ABHD11: variants seen among roughly 807,000 people sequenced by gnomAD.
ABHD11 encodes sn-1-specific diacylglycerol lipase ABHD11.
Under a neutral mutation model 29.0 loss-of-function variants are expected in ABHD11, and 26 were observed. That is an observed-to-expected ratio of 0.90 (90% CI 0.66 to 1.24). The LOEUF is 1.24. Ranked by LOEUF, ABHD11 falls within the 50% of genes most tolerant of loss-of-function variation. The pLI is 0.00. For missense variants in ABHD11, 381 were observed against 422.4 expected (o/e 0.90, Z 0.86); for synonymous variants, 169 against 166.4 (o/e 1.02, Z -0.12).
rs369972809 is a variant in ABHD11, at chr7:73,736,665, C to T, written c.815G>A (p.Arg272Gln). 26 of 1,613,764 alleles carry T rather than the reference C, an allele frequency of 1.6e-5. No homozygotes were observed. In the East Asian group the frequency reaches 2.5e-4, roughly 15 times the overall value. The change falls in exon 6 of 6, where the codon CGG becomes CAG. Residue 272 changes from arginine to glutamine, a missense_variant. Physicochemically the swap from Arg to Gln is conservative, Grantham distance 43. Coordinates refer to ENST00000222800, the MANE Select transcript of ABHD11 (RefSeq NM_148912.4). ...VHPSHHPEIM[R>Q]LFPRAQMQTV... ...CTGCATCTGGGCCCGAGGGAAGAGC[C>T]GCATAATCTCAGGGTGGTGGCTGGG...
rs920159263 is a variant in ABHD11 at position 73,737,971 on chromosome 7, T to G, written c.262-236A>C. ...TCTCTGAAGGGCTGGCCTGGCTGGG[T>G]GGCAATCTCGGAGAATGCCAGGAAG... On this transcript the variant is annotated intron_variant, in intron 2 of 5. Transcript: ENST00000222800. The G allele has an allele frequency of 3.2e-5, 25 of 793,426 alleles. No homozygotes were observed. In the East Asian group the frequency reaches 6.5e-4, roughly 21 times the overall value. The allele number at this position is 793,426 out of a possible 1,614,324, so 49.1% of individuals were successfully genotyped here. A position where few individuals can be genotyped will look rare whatever the true frequency, so the allele number is the denominator to read the frequency against.
chr7:73,738,591 C>G, intron 1 of ABHD11, 55 bp downstream of exon 1: 1 of 1,568,028 alleles, frequency 6.4e-7, no homozygotes, highest in Non-Finnish European at 8.6e-7. Flanking sequence ...GCCGTCGGGG[C>G]CCGGCAGGAA....
In ABHD11 at chr7:73,737,607, G is replaced by A. The variant is rs1554622390; in HGVS notation, c.390C>T (p.Gly130=). 6 of 1,613,608 alleles carry A rather than the reference G, an allele frequency of 3.7e-6. No homozygotes were observed. The highest frequency in any genetic ancestry group is 2.5e-6 in the Non-Finnish European group (3 of 1,179,780). ...TGGCTGTCTTTCCTCCCATGCTGTG[G>A]CCAACGACGACGCAGGGCACCAGGC... ...QLGLVPCVVV[G]HSMGGKTAML... The change falls in exon 3 of 6, where the codon GGC becomes GGT. Residue 130 remains glycine, a synonymous_variant. Coordinates refer to ENST00000222800, the MANE Select transcript of ABHD11 (RefSeq NM_148912.4).
At position 73,736,128 on chromosome 7, in the gene ABHD11, G is replaced by C. The variant is rs1041143207; in HGVS notation, c.*431C>G. ...AGTGTCTTTATTCATTAAAGCCTGA[G>C]GTCTGACCACCCCTGTAAAACCTCG... On this transcript the variant is annotated 3_prime_UTR_variant, in exon 6 of 6. Transcript: ENST00000222800. 2.6e-5 allele frequency: 12 copies of C among 456,964 alleles called. No homozygotes were observed. Among genetic ancestry groups the C allele is most frequent in the Non-Finnish European group, 4.0e-5 (9 of 227,226 alleles). 28.3% of individuals were successfully genotyped at this position (456,964 alleles called of 1,614,324 possible).
Position 73,737,053 on chromosome 7 carries a change from C to G in ABHD11, c.664G>C (p.Val222Leu). 3.1e-6 allele frequency: 5 copies of G among 1,614,104 alleles called. No homozygotes were observed. In the South Asian group the frequency reaches 4.4e-5, roughly 14 times the overall value. The change falls in exon 5 of 6, where the codon GTG becomes CTG. Residue 222 changes from valine (V) to leucine (L), a missense_variant. Coordinates refer to ENST00000222800, the MANE Select transcript of ABHD11 (RefSeq NM_148912.4). ...AGGGCATCCAAGTTCACCCTCCACA[C>G]GAAGCGCCCGTCTACCTCTACCAGG... ...TNLVEVDGRF[V>L]WRVNLDALTQ...
Position 73,736,253 on chromosome 7 carries a change from T to C in ABHD11, c.*306A>G. The C allele has an allele frequency of 2.0e-6, 1 of 488,186 alleles. No individual in the cohort carries two copies. The allele number at this position is 488,186 out of a possible 1,614,324, so 30.2% of individuals were successfully genotyped here. On this transcript the variant is annotated 3_prime_UTR_variant, in exon 6 of 6. Transcript: ENST00000222800. ...TTTGTGCCTCCTTTTTGTTTTGTTT[T>C]TTTTGAGACAGAGTCTTGCTCTGTT... is the stretch of plus-strand genomic sequence containing the variant.
chr7:73,738,146 C>T, intron 2 of ABHD11, 182 bp downstream of exon 2: 4 of 1,109,798 alleles, frequency 3.6e-6, no homozygotes, highest in Non-Finnish European at 5.4e-6. Context: ...TGGAGATCTA[C>T]AACATGAATT....
chr7:73,737,704 T>A lies in ABHD11; in HGVS notation c.293A>T (p.Asp98Val). The change falls in exon 3 of 6, where the codon GAC (aspartate) becomes GTC (valine). Residue 98 changes from aspartate to valine, a missense_variant. Physicochemically the swap from Asp to Val is radical, Grantham distance 152 (BLOSUM62 -3). Transcript: ENST00000222800. ...GCTCATGTCTGGGCTGTGGGGGCTG[T>A]CACCGTGGTTACGAGCATCCACCGT... The part of the protein sequence containing the change: ...VLTVDARNHG[D>V]SPHSPDMSYE... The A allele has an allele frequency of 6.2e-7, 1 of 1,613,430 alleles. No individual in the cohort carries two copies. Among genetic ancestry groups the A allele is most frequent in the Non-Finnish European group, 8.5e-7 (1 of 1,179,688 alleles).
rs1471902950 is a variant in ABHD11, at chr7:73,737,602, C to T, written c.395G>A (p.Ser132Asn). 4.3e-6 allele frequency: 7 copies of T among 1,613,260 alleles called. No homozygotes were observed. The highest frequency in any genetic ancestry group is 5.9e-6 in the Non-Finnish European group (7 of 1,179,600). ...GLVPCVVVGH[S>N]MGGKTAMLLA... ...CAGCATGGCTGTCTTTCCTCCCATG[C>T]TGTGGCCAACGACGACGCAGGGCAC... The change falls in exon 3 of 6, where the codon AGC becomes AAC. Residue 132 changes from serine to asparagine, a missense_variant. Coordinates refer to ENST00000222800, the MANE Select transcript of ABHD11 (RefSeq NM_148912.4).
chr7:73,738,263 C>A, intron 2 of ABHD11, 65 bp downstream of exon 2: 1 of 1,354,440 alleles, frequency 7.4e-7, no homozygotes, highest in Non-Finnish European at 1.0e-6. Context: ...CCCTGCCCCG[C>A]CTCCTCTCAG....
intron 2 of ABHD11, 121 bp downstream of exon 2, chr7:73,738,207 T>C (rs782152670): frequency 1.6e-4 from 225 of 1,421,636 alleles, no homozygotes; most frequent in Non-Finnish European, 1.9e-4. Context: ...TCAGGGTCCA[T>C]ACTCAGAGTG....
intron 3 of ABHD11, 56 bp from the exon 4 acceptor site, chr7:73,737,447 C>T: frequency 6.3e-7 from 1 of 1,575,300 alleles, no homozygotes; most frequent in Non-Finnish European, 8.6e-7. Context: ...GAGTCTCAGG[C>T]ATGGCTCCTG....
rs1554622071 is a variant in ABHD11 at position 73,737,061 on chromosome 7, C to T, written c.656G>A (p.Gly219Glu). The T allele has an allele frequency of 1.2e-6, 2 of 1,614,038 alleles. No homozygotes were observed. The highest frequency in any genetic ancestry group is 1.7e-6 in the Non-Finnish European group (2 of 1,180,054). Residue 219 changes from glycine (G) to glutamate (E), a missense_variant, in exon 5 of 6, where the codon GGG becomes GAG. By Grantham distance (98) the Gly-to-Glu change is moderately conservative. Transcript: ENST00000222800. ...HLLTNLVEVD[G>E]RFVWRVNLDA... ...CAAGTTCACCCTCCACACGAAGCGC[C>T]CGTCTACCTCTACCAGGTTAGTGAG...
chr7:73,738,754 C>A lies in ABHD11; in HGVS notation c.17G>T (p.Arg6Leu). Reference sequence around the variant, plus strand: ...TCCCTCACGCGGGAGCCTCCAGGCTCGGGTCCAGCGGAGCATGCTTGCAAG... The same window carrying A: ...TCCCTCACGCGGGAGCCTCCAGGCTAGGGTCCAGCGGAGCATGCTTGCAAG... Reference protein sequence around the residue: MLRWTRAWRLPREGLG... With the variant: MLRWTLAWRLPREGLG... The change falls in exon 1 of 6, where the codon CGA becomes CTA. Residue 6 changes from arginine to leucine, a missense_variant. Physicochemically the swap from Arg to Leu is moderately radical, Grantham distance 102. Transcript: ENST00000222800. 1 of 1,608,794 alleles carries A rather than the reference C, an allele frequency of 6.2e-7. No individual in the cohort carries two copies.
chr7:73,738,643 G>A lies in ABHD11; in HGVS notation c.125+3C>T. The A allele has an allele frequency of 1.3e-6, 2 of 1,592,672 alleles. No individual in the cohort carries two copies. Among genetic ancestry groups the A allele is most frequent in the Non-Finnish European group, 8.5e-7 (1 of 1,172,038 alleles). Reference sequence around the variant, plus strand: ...GGCCTCCCGCCCGGTGCCCTTGACTGACCTCGGCTCGGCGCCCCCTCGGCC... The same window carrying A: ...GGCCTCCCGCCCGGTGCCCTTGACTAACCTCGGCTCGGCGCCCCCTCGGCC... On this transcript the variant is annotated splice_donor_region_variant and intron_variant, in intron 1 of 5. Transcript: ENST00000222800.
In ABHD11 at chr7:73,738,472, G is replaced by A. The variant is rs1800197036; in HGVS notation, c.126-9C>T. 1.2e-6 allele frequency: 2 copies of A among 1,607,820 alleles called. No homozygotes were observed. The highest frequency in any genetic ancestry group is 1.1e-5 in the South Asian group (1 of 90,174). ...AGGAAAGCGGAAGCGGCCTGGCAGG[G>A]GAAGGATCGAGGTCAGAGTCTGAGC... On this transcript the variant is annotated splice_polypyrimidine_tract_variant and intron_variant, in intron 1 of 5. Transcript: ENST00000222800.
chr7:73,738,577 TGGGGCCGTC>T (rs1800217677), intron 1 of ABHD11, 60 bp downstream of exon 1: 1 of 1,565,218 alleles, frequency 6.4e-7, no homozygotes, highest in African/African-American at 1.4e-5. Context: ...AGGGAGGAGA[TGGGGCCGTC>T]GGGGCCCGGC....
chr7:73,736,509 G>A lies in ABHD11; in HGVS notation c.*50C>T, dbSNP rs782282805. On this transcript the variant is annotated 3_prime_UTR_variant, in exon 6 of 6. Coordinates refer to ENST00000222800, the MANE Select transcript of ABHD11 (RefSeq NM_148912.4). ...CCCGCCTTAGCCTCCCAAAGTGCTG[G>A]AATTACAGGCATGAGCCACCACGCC... 3.1e-6 allele frequency: 5 copies of A among 1,606,750 alleles called. No individual in the cohort carries two copies. In the East Asian group the frequency reaches 1.1e-4, roughly 36 times the overall value.
intron 5 of ABHD11, 91 bp from the exon 6 acceptor site, chr7:73,736,782 G>GA (rs1799926350): frequency 6.3e-7 from 1 of 1,598,646 alleles, no homozygotes. Flanking sequence ...GGGAGAAATG[G>GA]AGAGAGCTGT....
Sources: allele counts gnomAD v4.1 joint callset, GRCh38; gene constraint gnomAD v4.1.1; transcripts MANE v1.5; gene names NCBI Gene and HGNC (gene_info 2026-07-23, HGNC 2026-07-21).